Variants in TULP4 observed in about 807,000 individuals in gnomAD.
The protein encoded by TULP4 is tubby-related protein 4.
TULP4 carries 16 observed loss-of-function variants against 129.0 expected under a neutral mutation model. The ratio of observed to expected loss-of-function variants is 0.12; its 90% confidence interval spans 0.08 to 0.19. The LOEUF (loss-of-function observed/expected upper bound fraction) is 0.19. Ranked by LOEUF, TULP4 falls within the 10% of genes least tolerant of loss-of-function variation. The pLI is 1.00. For synonymous variants in TULP4, 998 were observed against 854.0 expected (o/e 1.17, Z -2.94); for missense variants, 1,842 against 2,059.1 (o/e 0.89, Z 2.04).
chr6:158,386,675 A>G (rs1282017017), intron 1 of TULP4, among the ~76,000 whole-genome samples: 1 of 152,240 alleles, frequency 6.6e-6, no homozygotes, highest in Non-Finnish European at 1.5e-5. Context: ...GCAGTATACC[A>G]TAGTGTTTAA....
chr6:158,506,757 A>C lies in TULP4; in HGVS notation c.*63A>C, dbSNP rs1780613149. 21 of 1,188,706 alleles carry C rather than the reference A, an allele frequency of 1.8e-5. No individual in the cohort carries two copies. The South Asian group carries it at 2.4e-4, about 14-fold the overall frequency. 73.6% of individuals were successfully genotyped at this position (1,188,706 alleles called of 1,614,324 possible). ...TTTGGAAGAGGTCTTCGGAGATGCC[A>C]GAGGAGCCCTCTAGGGGTCCGATGC... is the stretch of plus-strand genomic sequence containing the variant. On this transcript the variant is annotated 3_prime_UTR_variant, in exon 14 of 14. Coordinates refer to ENST00000367097, the MANE Select transcript of TULP4 (RefSeq NM_020245.5).
At chr6:158,305,317 CTGTGTGCGTG>C (rs756688676) in intron 1 of TULP4, among the ~76,000 whole-genome samples, 1 of 116,006 alleles carries the variant, frequency 8.6e-6, no homozygotes, top group South Asian at 3.3e-4. Flanking sequence ...ATATTTCATT[CTGTGTGCGTG>C]TGTGTGTGTG....
chr6:158,409,060 C>A (rs184033881), intron 1 of TULP4, among the ~76,000 whole-genome samples: 18 of 152,234 alleles, frequency 1.2e-4, no homozygotes, highest in African/African-American at 4.3e-4. Context: ...TCTATCAACA[C>A]CCTTTGGAGG....
intron 2 of TULP4, among the ~76,000 whole-genome samples, chr6:158,421,581 G>C (rs889994071): frequency 1.3e-5 from 2 of 152,192 alleles, no homozygotes; most frequent in Non-Finnish European, 2.9e-5. Context: ...TGTCCTTAGA[G>C]ACAGTAGGAT....
At chr6:158,306,078 A>G (rs1276748724) in intron 1 of TULP4, among the ~76,000 whole-genome samples, 1 of 152,096 alleles carries the variant, frequency 6.6e-6, no homozygotes, top group African/African-American at 2.4e-5. Context: ...TCCATTATGC[A>G]TTTTGAATCA....
At chr6:158,403,498 C>T (rs1047041638) in intron 1 of TULP4, among the ~76,000 whole-genome samples, 4 of 152,128 alleles carry the variant, frequency 2.6e-5, no homozygotes, top group African/African-American at 9.7e-5. Context: ...CGCCCCTATG[C>T]CCGGCTAATT....
intron 1 of TULP4, among the ~76,000 whole-genome samples, chr6:158,345,568 T>C (rs946917385): frequency 6.6e-6 from 1 of 152,226 alleles, no homozygotes; most frequent in Admixed American, 6.5e-5. Context: ...CAGCAAGTTT[T>C]ATTAAGGATT....
intron 1 of TULP4, among the ~76,000 whole-genome samples, chr6:158,407,617 T>C (rs1489081552): frequency 1.3e-5 from 2 of 151,942 alleles, no homozygotes; most frequent in Admixed American, 6.5e-5. Context: ...ATCAACAAAA[T>C]GTGGTCTCTC....
chr6:158,484,080 G>A (rs1216709779), intron 8 of TULP4, among the ~76,000 whole-genome samples: 2 of 151,858 alleles, frequency 1.3e-5, no homozygotes, highest in Non-Finnish European at 2.9e-5. Flanking sequence ...ACCACACCTG[G>A]CTAATTTTTT....
Position 158,506,769 on chromosome 6 carries a change from T to C in TULP4, c.*75T>C. The stretch of plus-strand genomic sequence containing the variant: ...CTTCGGAGATGCCAGAGGAGCCCTC[T>C]AGGGGTCCGATGCCTGGGAGGACCA... On this transcript the variant is annotated 3_prime_UTR_variant, in exon 14 of 14. Transcript: ENST00000367097. 9.5e-7 allele frequency: 1 copy of C among 1,051,234 alleles called. No homozygotes were observed. Among genetic ancestry groups the C allele is most frequent in the Non-Finnish European group, 1.5e-6 (1 of 685,174 alleles). 65.1% of individuals were successfully genotyped at this position (1,051,234 alleles called of 1,614,324 possible). A position where few individuals can be genotyped will look rare whatever the true frequency, so the allele number is the denominator to read the frequency against.
intron 1 of TULP4, among the ~76,000 whole-genome samples, chr6:158,274,334 C>G (rs1171790501): frequency 1.3e-5 from 2 of 152,134 alleles, no homozygotes; most frequent in African/African-American, 4.8e-5. Context: ...TCTCTTGTCC[C>G]TCTCTCTAAT....
chr6:158,314,137 T>C lies in TULP4; in HGVS notation c.121T>C (p.Tyr41His), dbSNP rs1228946035. The part of the protein sequence containing the change: ...KEKPVCRRRY[Y>H]EEGWLATGNG... ...GAAGCCTGTGTGCAGGAGACGCTAC[T>C]ATGAGGAAGGCTGGCTGGCCACGGG... is the stretch of plus-strand genomic sequence containing the variant. The change falls in exon 1 of 14, where the codon TAT (tyrosine) becomes CAT (histidine). Residue 41 changes from tyrosine to histidine, a missense_variant. This residue lies in a region of TULP4 where 151 missense variants were observed against 268.7 expected (regional missense o/e 0.56). Coordinates refer to ENST00000367097, the MANE Select transcript of TULP4 (RefSeq NM_020245.5). 1 of 1,614,184 alleles carries C rather than the reference T, an allele frequency of 6.2e-7. No individual in the cohort carries two copies. The highest frequency in any genetic ancestry group is 8.5e-7 in the Non-Finnish European group (1 of 1,180,032).
intron 1 of TULP4, among the ~76,000 whole-genome samples, chr6:158,403,831 C>T (rs1583840319): frequency 6.6e-6 from 1 of 152,192 alleles, no homozygotes; most frequent in African/African-American, 2.4e-5. Context: ...ACAACAACAA[C>T]TCTTCTCATT....
chr6:158,394,786 CAAAA>C (rs71030166), intron 1 of TULP4, among the ~76,000 whole-genome samples: 47 of 46,006 alleles, frequency 1.0e-3, no homozygotes, highest in African/African-American at 4.1e-3. Flanking sequence ...GGCTCTGTCT[CAAAA>C]AAAAAAAAAA....
In TULP4 at chr6:158,346,915, G is replaced by A. The variant is rs1258139801; in HGVS notation, c.252+32647G>A. Among the ~76,000 whole-genome samples the A allele has an allele frequency of 2.0e-5, 3 of 152,204 alleles. No individual in the cohort carries two copies. The East Asian group carries it at 5.8e-4, about 29-fold the overall frequency. On this transcript the variant is annotated intron_variant, in intron 1 of 13. Transcript: ENST00000367097. ...CATCTTTTTTGCCCCTCAAAATTTG[G>A]ATGAAAGATGTGACCATAGCTGCAG...
rs745511232 is a variant in TULP4 at position 158,305,672 on chromosome 6, T to G, written n.117-6379T>G. Reference sequence around the variant, plus strand: ...GTGAGTTGTGATCACGTCTCTGCACTCCAGCCCGAAAGACAGAGGGAAACC... The same window carrying G: ...GTGAGTTGTGATCACGTCTCTGCACGCCAGCCCGAAAGACAGAGGGAAACC... On this transcript the variant is annotated intron_variant and non_coding_transcript_variant, in intron 1 of 1. Transcript: ENST00000432358. Among the ~76,000 whole-genome samples the G allele has an allele frequency of 3.2e-4, 48 of 148,332 alleles. 1 individual carries two copies. The highest frequency in any genetic ancestry group is 5.6e-4 in the Non-Finnish European group (38 of 67,456).
chr6:158,467,952 A>G lies in TULP4; in HGVS notation c.1026+6223A>G, dbSNP rs147628387. On this transcript the variant is annotated intron_variant, in intron 6 of 13. Coordinates refer to ENST00000367097, the MANE Select transcript of TULP4 (RefSeq NM_020245.5). ...CTTGGTGAGTTATGTTGGGGCAGCA[A>G]TCCTCTCCAGGGGGCACCAGCTGCA... 5.9e-5 allele frequency among the ~76,000 whole-genome samples: 9 copies of G among 152,300 alleles called. No homozygotes were observed. In the South Asian group the frequency reaches 1.0e-3, roughly 18 times the overall value.
chr6:158,337,626 T>G (rs1780077026), intron 1 of TULP4, among the ~76,000 whole-genome samples: 1 of 152,172 alleles, frequency 6.6e-6, no homozygotes, highest in Non-Finnish European at 1.5e-5. Context: ...TGATTTACCT[T>G]TTATTTTAAG....
chr6:158,474,614 GTT>G (rs1779773758), intron 6 of TULP4, among the ~76,000 whole-genome samples: 1 of 152,166 alleles, frequency 6.6e-6, no homozygotes, highest in Non-Finnish European at 1.5e-5. Flanking sequence ...GCTCAACACT[GTT>G]TTTTACTTCA....
Sources: gnomAD v4.1 joint callset for allele counts (sites outside exome capture counted in the v4.1 genomes callset) on GRCh38, gnomAD v4.1.1 for gene constraint, gnomAD v4.1.1 regional missense constraint, MANE v1.5 for transcripts, NCBI Gene and HGNC (gene_info 2026-07-23, HGNC 2026-07-21) for gene names.